KAT2B: variants seen among roughly 807,000 people sequenced by gnomAD.
KAT2B encodes lysine acetyltransferase 2B.
In KAT2B, 36 loss-of-function variants were observed where a neutral mutation model predicts 105.9. That is an observed-to-expected ratio of 0.34 (90% CI 0.26 to 0.45). The LOEUF (loss-of-function observed/expected upper bound fraction) is 0.45. Ranked by LOEUF, KAT2B falls within the 20% of genes least tolerant of loss-of-function variation. KAT2B has a pLI of 1.00. For missense variants in KAT2B, 820 were observed against 1,021.6 expected, an observed-to-expected ratio of 0.80 and a Z score of 2.69; for synonymous variants, 397 against 377.9, an observed-to-expected ratio of 1.05 and a Z score of -0.59.
intron 13 of KAT2B, among the ~76,000 whole-genome samples, chr3:20,140,859 C>T (rs1699684626): frequency 6.6e-6 from 1 of 151,722 alleles, no homozygotes; most frequent in East Asian, 1.9e-4. Context: ...AGAGTCATTA[C>T]TTTTTAAATT....
At chr3:20,109,048 A>C (rs570626484) in intron 5 of KAT2B, among the ~76,000 whole-genome samples, 12 of 152,148 alleles carry the variant, frequency 7.9e-5, no homozygotes, top group Non-Finnish European at 1.3e-4. Context: ...TCTACCATCT[A>C]GGTTTGTGTA....
At chr3:20,152,148 CAAA>C (rs1699879111) in intron 17 of KAT2B, among the ~76,000 whole-genome samples, 181 bp from the exon 18 acceptor site, 1 of 152,006 alleles carries the variant, frequency 6.6e-6, no homozygotes, top group South Asian at 2.1e-4. Context: ...AAAAAACCCA[CAAA>C]AGAATGAACT....
At chr3:20,077,339 C>T (rs894801766) in intron 2 of KAT2B, among the ~76,000 whole-genome samples, 7 of 152,096 alleles carry the variant, frequency 4.6e-5, no homozygotes, top group Admixed American at 4.6e-4. Context: ...CAAAACCCCA[C>T]CTCTAACAAA....
chr3:20,116,588 C>T (rs995084988), intron 7 of KAT2B, among the ~76,000 whole-genome samples: 1 of 152,144 alleles, frequency 6.6e-6, no homozygotes, highest in African/African-American at 2.4e-5. Context: ...TTGAGAATGA[C>T]TGTGTTAGAC....
chr3:20,140,258 A>G lies in KAT2B; in HGVS notation c.1898A>G (p.Tyr633Cys), dbSNP rs1440643409. 6.2e-7 allele frequency: 1 copy of G among 1,611,330 alleles called. No homozygotes were observed. Among genetic ancestry groups the G allele is most frequent in the Non-Finnish European group, 8.5e-7 (1 of 1,177,466 alleles). ...GAAATTAAAATACCTAAAACCAAAT[A>G]TGTTGGCTATATCAAGGATTATGAA... ...SKEIKIPKTKYVGYIKDYEGA... is the reference protein window; with the variant it reads ...SKEIKIPKTKCVGYIKDYEGA... Residue 633 changes from tyrosine (Y) to cysteine (C), a missense_variant, in exon 13 of 18, where the codon TAT becomes TGT. Tyr to Cys is a radical substitution (Grantham distance 194, BLOSUM62 -2). This residue lies in a region of KAT2B where 227 missense variants were observed against 292.9 expected (regional missense o/e 0.77). Coordinates refer to ENST00000263754, the MANE Select transcript of KAT2B (RefSeq NM_003884.5).
chr3:20,112,818 G>A lies in KAT2B; in HGVS notation c.1043+1031G>A, dbSNP rs116226235. Among the ~76,000 whole-genome samples, 86 of 152,280 alleles carry A rather than the reference G, an allele frequency of 5.6e-4. 1 individual carries two copies. The highest frequency in any genetic ancestry group is 8.2e-4 in the Non-Finnish European group (56 of 68,018). On this transcript the variant is annotated intron_variant, in intron 6 of 17. Transcript: ENST00000263754. ...ACTAGATTTTTATTATTCAGATAGTGTTATTAGATTATGGAATTTTTGTCT... is the reference window on the plus strand; with the variant it reads ...ACTAGATTTTTATTATTCAGATAGTATTATTAGATTATGGAATTTTTGTCT...
rs750355554 is a variant in KAT2B at position 20,101,356 on chromosome 3, T to G, written c.739T>G (p.Leu247Val). 6.2e-7 allele frequency: 1 copy of G among 1,614,022 alleles called. No homozygotes were observed. Among genetic ancestry groups the G allele is most frequent in the Non-Finnish European group, 8.5e-7 (1 of 1,179,954 alleles). ...AAAAGAAAGGCAAACAATAGTTGAG[T>G]TGGCAAAAATGTTCCTAAACCGCAT... Reference protein sequence around the residue: ...PAKERQTIVELAKMFLNRINY... With the variant: ...PAKERQTIVEVAKMFLNRINY... The change falls in exon 5 of 18, where the codon TTG becomes GTG. Residue 247 changes from leucine to valine, a missense_variant. Leu to Val is a conservative substitution (Grantham distance 32). Around this residue, in one of 6 missense-constraint regions of KAT2B, gnomAD observed 173 missense variants for 249.5 expected, o/e 0.69. Coordinates refer to ENST00000263754, the MANE Select transcript of KAT2B (RefSeq NM_003884.5).
intron 1 of KAT2B, among the ~76,000 whole-genome samples, chr3:20,055,815 GTC>G (rs1426765747): frequency 6.6e-6 from 1 of 152,134 alleles, no homozygotes; most frequent in East Asian, 1.9e-4. Flanking sequence ...TGCCATTCAA[GTC>G]TCTCTCCCTT....
chr3:20,064,418 C>G (rs1698190823), intron 1 of KAT2B, among the ~76,000 whole-genome samples: 1 of 152,142 alleles, frequency 6.6e-6, no homozygotes. Context: ...TATAGTCACT[C>G]TGCTGTGCGA....
At chr3:20,057,053 ATTTC>A (rs1698014375) in intron 1 of KAT2B, among the ~76,000 whole-genome samples, 1 of 152,120 alleles carries the variant, frequency 6.6e-6, no homozygotes, top group African/African-American at 2.4e-5. Flanking sequence ...GGGAGGAAGT[ATTTC>A]TTCTAGTTGG....
rs1006402675 is a variant in KAT2B, at chr3:20,152,643, T to C, written c.*118T>C. ...TGAAGAGACTTGTAAATGTAATAAT[T>C]AGCACTTTTGAAAAAACAAAAAACC... is the stretch of plus-strand genomic sequence containing the variant. On this transcript the variant is annotated 3_prime_UTR_variant, in exon 18 of 18. Transcript: ENST00000263754. The C allele has an allele frequency of 1.3e-6, 1 of 744,004 alleles. No individual in the cohort carries two copies. 46.1% of individuals were successfully genotyped at this position (744,004 alleles called of 1,614,324 possible).
chr3:20,082,368 CA>C (rs1698535276), intron 2 of KAT2B, among the ~76,000 whole-genome samples: 1 of 152,062 alleles, frequency 6.6e-6, no homozygotes, highest in African/African-American at 2.4e-5. Context: ...GTTCAATTAC[CA>C]ACTTTAGTAA....
At chr3:20,042,729 A>C (rs1225567150) in intron 1 of KAT2B, among the ~76,000 whole-genome samples, 3 of 151,916 alleles carry the variant, frequency 2.0e-5, no homozygotes, top group African/African-American at 7.3e-5. Context: ...ATATCTGAAA[A>C]CTTTCCTGAA....
At chr3:20,043,158 C>T (rs897483035) in intron 1 of KAT2B, among the ~76,000 whole-genome samples, 4 of 152,132 alleles carry the variant, frequency 2.6e-5, no homozygotes, top group African/African-American at 9.7e-5. Flanking sequence ...GCCCGCCTTG[C>T]TTCCCAAAGT....
At chr3:20,129,489 C>T (rs920958727) in intron 11 of KAT2B, among the ~76,000 whole-genome samples, 2 of 151,894 alleles carry the variant, frequency 1.3e-5, no homozygotes, top group Non-Finnish European at 1.5e-5. Context: ...ATTCTCCCAC[C>T]TCAGCCTCAT....
At chr3:20,074,057 C>T (rs1179330451) in intron 2 of KAT2B, among the ~76,000 whole-genome samples, 2 of 151,992 alleles carry the variant, frequency 1.3e-5, no homozygotes, top group East Asian at 1.9e-4. Context: ...AAACAAATGC[C>T]CTCATTCTGC....
chr3:20,086,462 A>G (rs1559307793), intron 2 of KAT2B, among the ~76,000 whole-genome samples: 1 of 152,056 alleles, frequency 6.6e-6, no homozygotes, highest in African/African-American at 2.4e-5. Context: ...TTAGCCAGGC[A>G]TGGTGGTACA....
chr3:20,116,337 C>T (rs969869968), intron 7 of KAT2B, among the ~76,000 whole-genome samples: 13 of 152,158 alleles, frequency 8.5e-5, no homozygotes, highest in African/African-American at 3.1e-4. Context: ...CCTAAGTTCT[C>T]CCATCCCCTC....
intron 2 of KAT2B, among the ~76,000 whole-genome samples, chr3:20,074,550 G>A (rs149989566): frequency 5.1e-4 from 77 of 152,308 alleles, no homozygotes; most frequent in African/African-American, 1.1e-3. Context: ...GATGTTGTTC[G>A]TAGTAGTGGT....
Sources: gnomAD v4.1 joint callset for allele counts (sites outside exome capture counted in the v4.1 genomes callset) on GRCh38, gnomAD v4.1.1 for gene constraint, gnomAD v4.1.1 regional missense constraint, MANE v1.5 for transcripts, NCBI Gene and HGNC (gene_info 2026-07-23, HGNC 2026-07-21) for gene names.